NCOR2: variants seen among roughly 807,000 people sequenced by gnomAD.
NCOR2 encodes the protein CTG repeat protein 26.
NCOR2 carries 81 observed loss-of-function variants against 262.9 expected under a neutral mutation model. The observed-to-expected ratio is 0.31, with a 90% confidence interval of 0.26 to 0.37. NCOR2 has a LOEUF of 0.37. Among genes scored for constraint, NCOR2 ranks in the 10% least tolerant of loss-of-function variants. The pLI is 1.00. For synonymous variants in NCOR2, 1,659 were observed against 1,559.3 expected, an observed-to-expected ratio of 1.06 and a Z score of -1.51; for missense variants, 3,385 against 3,621.4, an observed-to-expected ratio of 0.93 and a Z score of 1.68.
intron 1 of NCOR2, chr12:124,514,434 A>C (rs541711266): frequency 1.3e-5 from 2 of 152,394 alleles, no homozygotes; most frequent in East Asian, 3.9e-4. Context: ...CAGTGTTACA[A>C]GGAGTAGTGA....
chr12:124,431,621 A>G lies in NCOR2; in HGVS notation c.883-834T>C, dbSNP rs1224984351. On this transcript the variant is annotated intron_variant, in intron 8 of 46. Coordinates refer to ENST00000405201, the Ensembl canonical transcript of NCOR2. Reference sequence around the variant, plus strand: ...CACAGGCACACATACATACAGTCAGACAGATATACACAGGCACACATACAT... The same window carrying G: ...CACAGGCACACATACATACAGTCAGGCAGATATACACAGGCACACATACAT... Among the ~76,000 whole-genome samples, 9 of 151,560 alleles carry G rather than the reference A, an allele frequency of 5.9e-5. No individual in the cohort carries two copies. In the East Asian group the frequency reaches 1.8e-3, roughly 30 times the overall value.
intron 22 of NCOR2, among the ~76,000 whole-genome samples, chr12:124,358,085 A>ATG (rs56331447): frequency 0.69 from 89,183 of 129,174 alleles, 30,429 homozygotes; most frequent in Middle Eastern, 0.79. Context: ...GTAACCTGTG[A>ATG]TGTGTGTGTG....
chr12:124,419,931 A>T, intron 13 of NCOR2, 26 bp downstream of exon 15: 2 of 1,596,752 alleles, frequency 1.3e-6, no homozygotes, highest in Non-Finnish European at 1.7e-6. Flanking sequence ...GCCTGCAAGG[A>T]CAGTCACCCC....
At chr12:124,356,750 C>T in exon 23 of NCOR2, 1 of 1,492,434 alleles carries the variant, frequency 6.7e-7, no homozygotes. Context: ...CAAGGGGGGT[C>T]CCCAGGCAGC....
chr12:124,333,162 C>T (rs1350268882), exon 42 of NCOR2: 2 of 1,611,780 alleles, frequency 1.2e-6, no homozygotes, highest in Non-Finnish European at 1.7e-6. Context: ...CCCGGTACAG[C>T]AGCGGGTACA....
At chr12:124,444,378 A>C (rs549212364) in intron 7 of NCOR2, among the ~76,000 whole-genome samples, 1 of 152,198 alleles carries the variant, frequency 6.6e-6, no homozygotes, top group South Asian at 2.1e-4. Flanking sequence ...TGGAGAGGAG[A>C]AGCAGGACAT....
chr12:124,336,976 G>C (rs376833353), exon 38 of NCOR2: 1 of 1,517,982 alleles, frequency 6.6e-7, no homozygotes, highest in Non-Finnish European at 8.8e-7. Context: ...GCTCCAGCCC[G>C]GAGCGGGCTG....
intron 1 of NCOR2, among the ~76,000 whole-genome samples, chr12:124,505,761 G>A (rs1413021903): frequency 6.6e-6 from 1 of 152,104 alleles, no homozygotes; most frequent in African/African-American, 2.4e-5. Flanking sequence ...CTGCCACGCC[G>A]ACCACTCGGG....
intron 16 of NCOR2, among the ~76,000 whole-genome samples, chr12:124,387,590 C>T (rs909525525): frequency 6.6e-6 from 1 of 152,146 alleles, no homozygotes; most frequent in East Asian, 1.9e-4. Context: ...GCCACCTGTT[C>T]GCCTGCCGTG....
intron 15 of NCOR2, among the ~76,000 whole-genome samples, chr12:124,398,835 C>T (rs989753642): frequency 6.6e-6 from 1 of 152,240 alleles, no homozygotes; most frequent in Non-Finnish European, 1.5e-5. Context: ...TGTTCATACC[C>T]CCACTCATCC....
In NCOR2 at chr12:124,503,671, A is replaced by AATGGATGGATGGATGGATGGATGGATGG. The variant is rs140410776; in HGVS notation, c.-117-8331_-117-8304dup. On this transcript the variant is annotated intron_variant, in intron 1 of 46. Transcript: ENST00000404621. This position sits in a 1 kb window ranked among gnomAD's most constrained non-coding sequence, Gnocchi z 4.3. The stretch of plus-strand genomic sequence containing the variant: ...GGATGGATGGATGGATGGACGGGTG[A>AATGGATGGATGGATGGATGGATGGATGG]ATGGATGGATGGATGGATGGATGGA... Among the ~76,000 whole-genome samples, 1 of 122,116 alleles carries AATGGATGGATGGATGGATGGATGGATGG rather than the reference A, an allele frequency of 8.2e-6. No homozygotes were observed. Among genetic ancestry groups the AATGGATGGATGGATGGATGGATGGATGG allele is most frequent in the Non-Finnish European group, 1.7e-5 (1 of 57,576 alleles). 80.1% of individuals were successfully genotyped at this position (122,116 alleles called of 152,430 possible).
chr12:124,449,058 A>G (rs1371057660), intron 7 of NCOR2, among the ~76,000 whole-genome samples: 2 of 152,132 alleles, frequency 1.3e-5, no homozygotes, highest in Non-Finnish European at 2.9e-5. Flanking sequence ...GGGCACTAAC[A>G]TGAGATAACA....
At chr12:124,506,455 G>A (rs1468708339) in intron 1 of NCOR2, among the ~76,000 whole-genome samples, 7 of 152,094 alleles carry the variant, frequency 4.6e-5, no homozygotes, top group South Asian at 2.1e-4. Context: ...GGCGAAGTAT[G>A]CTCAAAATCA....
At position 124,483,779 on chromosome 12, in the gene NCOR2, G is replaced by C; in HGVS notation, c.234-6C>G. The C allele has an allele frequency of 6.3e-7, 1 of 1,591,100 alleles. No homozygotes were observed. Among genetic ancestry groups the C allele is most frequent in the Non-Finnish European group, 8.6e-7 (1 of 1,168,302 alleles). ...GCAGGTGGAGCTCCTGGGACCTGCA[G>C]GAGGTGAGGCATCCAACGTCACATA... On this transcript the variant is annotated splice_polypyrimidine_tract_variant and splice_region_variant and intron_variant, in intron 2 of 46. Transcript: ENST00000405201. The surrounding 1 kb of genome is among the most constrained non-coding windows in gnomAD (Gnocchi z 6.3).
intron 20 of NCOR2, among the ~76,000 whole-genome samples, chr12:124,371,733 G>A (rs540365627): frequency 2.6e-5 from 4 of 152,190 alleles, no homozygotes; most frequent in East Asian, 1.9e-4. Flanking sequence ...CCTAGGAAGC[G>A]AGCAGGCTGC....
chr12:124,370,448 C>T (rs745591688), intron 20 of NCOR2, among the ~76,000 whole-genome samples: 3 of 152,148 alleles, frequency 2.0e-5, no homozygotes, highest in Non-Finnish European at 4.4e-5. Flanking sequence ...ACAAGGGCCC[C>T]GCATGACCCT....
rs2044017884 is a variant in NCOR2 at position 124,432,462 on chromosome 12, C to CGGGCT, written c.883-1680_883-1676dup. 6.6e-6 allele frequency among the ~76,000 whole-genome samples: 1 copy of CGGGCT among 152,124 alleles called. No homozygotes were observed. Among genetic ancestry groups the CGGGCT allele is most frequent in the South Asian group, 2.1e-4 (1 of 4,828 alleles). On this transcript the variant is annotated intron_variant, in intron 8 of 46. Coordinates refer to ENST00000405201, the Ensembl canonical transcript of NCOR2. This position sits in a 1 kb window ranked among gnomAD's most constrained non-coding sequence, Gnocchi z 5.1. ...CACAAATCCAGTAAAATTTAAGAGTCGGGCTCTAGTTCTCCCCAGCCATGC... is the reference window on the plus strand; with the variant it reads ...CACAAATCCAGTAAAATTTAAGAGTCGGGCTGGGCTCTAGTTCTCCCCAGCCATGC...
chr12:124,355,156 A>G (rs1593184793), intron 24 of NCOR2: 4 of 611,896 alleles, frequency 6.5e-6, no homozygotes, highest in Middle Eastern at 4.3e-4. Context: ...TTGCCCTTCC[A>G]TTTCGCAGTG....
At position 124,483,689 on chromosome 12, in the gene NCOR2, C is replaced by T. The variant is rs1314871553; in HGVS notation, c.318G>A (p.Lys106=). 1 of 1,612,102 alleles carries T rather than the reference C, an allele frequency of 6.2e-7. No homozygotes were observed. The highest frequency in any genetic ancestry group is 8.5e-7 in the Non-Finnish European group (1 of 1,179,204). Residue 106 remains lysine, a synonymous_variant, in exon 3 of 47, where the codon AAG becomes AAA. Transcript: ENST00000405201. The surrounding 1 kb of genome is among the most constrained non-coding windows in gnomAD (Gnocchi z 6.3). ...CAGGCAGCAGCTCTAGCCGAGGGCGCTTGCTTTCAATGAACTCCATCTCTG... is the reference window on the plus strand; with the variant it reads ...CAGGCAGCAGCTCTAGCCGAGGGCGTTTGCTTTCAATGAACTCCATCTCTG...
Sources: gnomAD v4.1 joint callset for allele counts (sites outside exome capture counted in the v4.1 genomes callset) on GRCh38, gnomAD v4.1.1 for gene constraint, Gnocchi (gnomAD v3.1) non-coding constraint, MANE v1.5 for transcripts, NCBI Gene and HGNC (gene_info 2026-07-23, HGNC 2026-07-21) for gene names.